Variants in DCBLD1 observed in about 807,000 individuals in gnomAD.
The protein encoded by DCBLD1 is discoidin, CUB and LCCL domain containing 1.
A neutral mutation model predicts 71.5 loss-of-function variants in DCBLD1; 57 were observed. The observed-to-expected ratio is 0.80, with a 90% CI of 0.64 to 0.99. The LOEUF is 0.99. Ranked by LOEUF, DCBLD1 falls within the 50% of genes least tolerant of loss-of-function variation. The pLI is 0.00. For synonymous variants in DCBLD1, 380 were observed against 363.8 expected (o/e 1.04, Z -0.51); for missense variants, 891 against 923.5 (o/e 0.96, Z 0.46).
chr6:117,532,462 A>C, intron 6 of DCBLD1, 69 bp downstream of exon 6: 86 of 1,468,506 alleles, frequency 5.9e-5, no homozygotes, highest in Non-Finnish European at 7.4e-5. Context: ...TAACCAGCTC[A>C]CAACTTTGAA....
At chr6:117,486,926 T>C (rs531783222) in intron 1 of DCBLD1, among the ~76,000 whole-genome samples, 10 of 152,238 alleles carry the variant, frequency 6.6e-5, no homozygotes, top group African/African-American at 1.4e-4. Context: ...TAGATTCTCA[T>C]TGGAGCTTGA....
chr6:117,499,240 CAAA>C (rs71012362), intron 1 of DCBLD1, among the ~76,000 whole-genome samples: 2 of 108,736 alleles, frequency 1.8e-5, no homozygotes, highest in Admixed American at 9.3e-5. Flanking sequence ...CCATCTCTAC[CAAA>C]AAAAAAAAAA....
chr6:117,560,381 GATATA>G (rs1779560416), intron 14 of DCBLD1: 1 of 184,152 alleles, frequency 5.4e-6, no homozygotes, highest in Non-Finnish European at 1.2e-5. Flanking sequence ...AACTCAACTA[GATATA>G]ATACATTATC....
chr6:117,511,108 C>T (rs1403084534), intron 2 of DCBLD1, among the ~76,000 whole-genome samples: 1 of 152,122 alleles, frequency 6.6e-6, no homozygotes, highest in Non-Finnish European at 1.5e-5. Context: ...TTTAGCTCTG[C>T]ACCATCCGAT....
At position 117,503,833 on chromosome 6, in the gene DCBLD1, G is replaced by C; in HGVS notation, c.179G>C (p.Gly60Ala). 1 of 1,613,944 alleles carries C rather than the reference G, an allele frequency of 6.2e-7. No homozygotes were observed. Among genetic ancestry groups the C allele is most frequent in the Non-Finnish European group, 8.5e-7 (1 of 1,179,974 alleles). The change falls in exon 2 of 15, where the codon GGG becomes GCG. Residue 60 changes from glycine (G) to alanine (A), a missense_variant. Physicochemically the swap from Gly to Ala is moderately conservative, Grantham distance 60. Transcript: ENST00000338728. ...SGTMTSKNYP[G>A]TYPNHTVCEK... ...ACAATGACATCTAAGAATTATCCCG[G>C]GACCTACCCCAATCACACTGTTTGC...
chr6:117,545,575 T>A lies in DCBLD1; in HGVS notation c.1593T>A (p.Asp531Glu). 2 of 1,614,066 alleles carry A rather than the reference T, an allele frequency of 1.2e-6. No individual in the cohort carries two copies. The highest frequency in any genetic ancestry group is 2.2e-5 in the South Asian group (2 of 91,064). ...DNEKEMTQKLDLITSDMADYQ... is the reference protein window; with the variant it reads ...DNEKEMTQKLELITSDMADYQ... ...AGAAGGAGATGACACAAAAGTTAGA[T>A]CTCATCACAAGTGATATGGCAGGTA... The change falls in exon 14 of 15, where the codon GAT becomes GAA. Residue 531 changes from aspartate to glutamate, a missense_variant. Transcript: ENST00000338728.
At chr6:117,527,213 C>T (rs1179384658) in intron 5 of DCBLD1, among the ~76,000 whole-genome samples, 3 of 152,130 alleles carry the variant, frequency 2.0e-5, no homozygotes, top group Non-Finnish European at 4.4e-5. Flanking sequence ...GGAGTGGTAT[C>T]CCATCACTTT....
chr6:117,544,998 C>T (rs1429643190), intron 13 of DCBLD1, among the ~76,000 whole-genome samples: 4 of 148,228 alleles, frequency 2.7e-5, no homozygotes, highest in Non-Finnish European at 6.0e-5. Context: ...TAATCCTGCA[C>T]ACCAGCCCCG....
At position 117,521,643 on chromosome 6, in the gene DCBLD1, A is replaced by C; in HGVS notation, c.512+67A>C. ...TGAACATTTTGTTTTCTTTCACGTT[A>C]AACCAGATACGTTTGTACTTAAAGC... On this transcript the variant is annotated intron_variant, in intron 4 of 14. Coordinates refer to ENST00000338728, the MANE Select transcript of DCBLD1 (RefSeq NM_001366458.2). 2.2e-6 allele frequency: 3 copies of C among 1,336,592 alleles called. No homozygotes were observed. In the South Asian group the frequency reaches 4.0e-5, roughly 18 times the overall value. 82.8% of individuals were successfully genotyped at this position (1,336,592 alleles called of 1,614,324 possible).
In DCBLD1 at chr6:117,525,427, A is replaced by G. The variant is rs1182879923; in HGVS notation, c.578A>G (p.Tyr193Cys). ...GDISGNMVDG[Y>C]RDTSLLCKAA... Reference sequence around the variant, plus strand: ...ATTTCTGGGAATATGGTAGATGGATATAGAGATGTAAGTAATTGAGGGTAA... The same window carrying G: ...ATTTCTGGGAATATGGTAGATGGATGTAGAGATGTAAGTAATTGAGGGTAA... Residue 193 changes from tyrosine to cysteine, a missense_variant, in exon 5 of 15, where the codon TAT becomes TGT. Transcript: ENST00000338728. 4 of 1,498,138 alleles carry G rather than the reference A, an allele frequency of 2.7e-6. No homozygotes were observed. Among genetic ancestry groups the G allele is most frequent in the Non-Finnish European group, 3.6e-6 (4 of 1,121,634 alleles). The allele number at this position is 1,498,138 out of a possible 1,614,324, so 92.8% of individuals were successfully genotyped here. A position where few individuals can be genotyped will look rare whatever the true frequency, so the allele number is the denominator to read the frequency against.
At chr6:117,503,705 A>T (rs1276014153) in intron 1 of DCBLD1, 62 bp from the exon 2 acceptor site, 2 of 1,565,798 alleles carry the variant, frequency 1.3e-6, no homozygotes, top group Non-Finnish European at 1.8e-6. Context: ...TTGGACTCTC[A>T]ATCCTCAGTA....
At position 117,544,550 on chromosome 6, in the gene DCBLD1, T is replaced by C. The variant is rs768188425; in HGVS notation, c.1468T>C (p.Tyr490His). The C allele has an allele frequency of 2.7e-5, 43 of 1,613,890 alleles. No homozygotes were observed. The highest frequency in any genetic ancestry group is 3.3e-5 in the Admixed American group (2 of 59,960). Residue 490 changes from tyrosine (Y) to histidine (H), a missense_variant, in exon 13 of 15, where the codon TAT (tyrosine) becomes CAT (histidine). Physicochemically the swap from Tyr to His is moderately conservative, Grantham distance 83 (BLOSUM62 2). Coordinates refer to ENST00000338728, the MANE Select transcript of DCBLD1 (RefSeq NM_001366458.2). ...TAGGAAGAAGAAGAAAGGAAGTCCG[T>C]ATGGATCAGCAGAGGCTCAGAAAAC... ...FRKKKKKGSPYGSAEAQKTDC... is the reference protein window; with the variant it reads ...FRKKKKKGSPHGSAEAQKTDC...
chr6:117,504,039 G>A, intron 2 of DCBLD1, 60 bp downstream of exon 2: 2 of 1,563,796 alleles, frequency 1.3e-6, no homozygotes, highest in South Asian at 1.1e-5. Context: ...GCAGAGAAGG[G>A]CAAGTGGTGT....
chr6:117,535,111 T>C (rs945865324), intron 6 of DCBLD1, among the ~76,000 whole-genome samples: 6 of 152,250 alleles, frequency 3.9e-5, no homozygotes, highest in African/African-American at 1.2e-4. Flanking sequence ...ATTGAACTTA[T>C]GTTCCCACAC....
At chr6:117,517,468 G>C (rs1024866267) in intron 2 of DCBLD1, among the ~76,000 whole-genome samples, 5 of 152,190 alleles carry the variant, frequency 3.3e-5, no homozygotes, top group African/African-American at 4.8e-5. Context: ...CCATTCTGGG[G>C]TCTGGTGGCC....
At chr6:117,546,085 A>G (rs997057644) in intron 14 of DCBLD1, among the ~76,000 whole-genome samples, 1 of 152,080 alleles carries the variant, frequency 6.6e-6, no homozygotes, top group Non-Finnish European at 1.5e-5. Flanking sequence ...TAAAATTTCT[A>G]CTCCATCATG....
downstream of DCBLD1, among the ~76,000 whole-genome samples, chr6:117,551,028 C>A (rs895244330): frequency 6.6e-6 from 1 of 152,146 alleles, no homozygotes; most frequent in African/African-American, 2.4e-5. Context: ...CATTGCACAC[C>A]CACCCACACT....
At chr6:117,516,161 G>T (rs556155517) in intron 2 of DCBLD1, among the ~76,000 whole-genome samples, 8 of 151,556 alleles carry the variant, frequency 5.3e-5, no homozygotes, top group Admixed American at 1.3e-4. Flanking sequence ...AGACTATACT[G>T]GCTAACACAG....
At chr6:117,527,634 A>C (rs751112713) in intron 5 of DCBLD1, among the ~76,000 whole-genome samples, 25 of 152,202 alleles carry the variant, frequency 1.6e-4, no homozygotes, top group Non-Finnish European at 2.8e-4. Flanking sequence ...ATAAGGAATA[A>C]TTGAACAATG....
Sources: gnomAD v4.1 joint callset for allele counts (sites outside exome capture counted in the v4.1 genomes callset) on GRCh38, gnomAD v4.1.1 for gene constraint, MANE v1.5 for transcripts, NCBI Gene and HGNC (gene_info 2026-07-23, HGNC 2026-07-21) for gene names.